MACF1: variants seen among roughly 807,000 people sequenced by gnomAD.
MACF1 encodes microtubule actin crosslinking factor 1, also known as microtubule-actin cross-linking factor 1.
In MACF1, 193 loss-of-function variants were observed where a neutral mutation model predicts 854.8. That is an observed-to-expected ratio of 0.23 (90% CI 0.20 to 0.25). The LOEUF (loss-of-function observed/expected upper bound fraction) is 0.25, where lower values mean the gene tolerates loss of function less well. Among genes scored for constraint, MACF1 ranks in the 10% least tolerant of loss-of-function variants. The probability of loss-of-function intolerance (pLI) is 1.00; values close to 1 mark genes in which losing one functional copy is unlikely to be tolerated. For missense variants in MACF1, 7,722 were observed against 8,929.1 expected, an observed-to-expected ratio of 0.86 and a Z score of 5.45; for synonymous variants, 3,185 against 3,226.7, an observed-to-expected ratio of 0.99 and a Z score of 0.44.
chr1:39,477,075 A>ATATACACACACATATATACACTTAGTG lies in MACF1; in HGVS notation c.21959-2719_21959-2718insCACACACATATATACACTTAGTGTATA, dbSNP rs1557675014. ...TATATATATATATATATATATATAT[A>ATATACACACACATATATACACTTAGTG]TATATATATATATATACACACACAC... On this transcript the variant is annotated intron_variant, in intron 97 of 100. Coordinates refer to ENST00000564288, the MANE Select transcript of MACF1 (RefSeq NM_001394062.1). Among the ~76,000 whole-genome samples the ATATACACACACATATATACACTTAGTG allele has an allele frequency of 9.7e-4, 50 of 51,304 alleles. 1 individual carries two copies. The highest frequency in any genetic ancestry group is 5.8e-3 in the South Asian group (10 of 1,720). 33.7% of individuals were successfully genotyped at this position (51,304 alleles called of 152,430 possible).
In MACF1 at chr1:39,105,763, G is replaced by A; in HGVS notation, c.220+21325G>A. ...GCGCTGAGGCCCGCGGGCCGGCGCAGCGTGGCCTTCGGAGCCGGTCGGCTC... is the reference window on the plus strand; with the variant it reads ...GCGCTGAGGCCCGCGGGCCGGCGCAACGTGGCCTTCGGAGCCGGTCGGCTC... On this transcript the variant is annotated intron_variant, in intron 2 of 93. Coordinates refer to the MACF1 transcript ENST00000361689. This position sits in a 1 kb window ranked among gnomAD's most constrained non-coding sequence, Gnocchi z 5.9. The A allele has an allele frequency of 9.2e-6, 10 of 1,086,466 alleles. No individual in the cohort carries two copies. The highest frequency in any genetic ancestry group is 1.1e-5 in the Non-Finnish European group (10 of 881,954). The allele number at this position is 1,086,466 out of a possible 1,614,324, so 67.3% of individuals were successfully genotyped here. A position where few individuals can be genotyped will look rare whatever the true frequency, so the allele number is the denominator to read the frequency against.
At chr1:39,294,829 C>T (rs774890061) in intron 18 of MACF1, among the ~76,000 whole-genome samples, 30 of 152,204 alleles carry the variant, frequency 2.0e-4, no homozygotes, top group Non-Finnish European at 3.2e-4. Flanking sequence ...TTACTCACAT[C>T]TGGGTCAGGT....
At chr1:39,180,097 C>G (rs1372011262) in intron 2 of MACF1, among the ~76,000 whole-genome samples, 1 of 151,976 alleles carries the variant, frequency 6.6e-6, no homozygotes, top group Non-Finnish European at 1.5e-5. Flanking sequence ...GGCTTTTAGA[C>G]CCCCATAATC....
intron 58 of MACF1, among the ~76,000 whole-genome samples, chr1:39,407,384 T>G (rs1345038863): frequency 6.6e-6 from 1 of 152,222 alleles, no homozygotes; most frequent in Non-Finnish European, 1.5e-5. Context: ...AGGACAGGGT[T>G]TCTAGTGTCT....
chr1:39,385,696 A>C lies in MACF1; in HGVS notation c.14111A>C (p.Gln4704Pro). 1 of 1,614,190 alleles carries C rather than the reference A, an allele frequency of 6.2e-7. No individual in the cohort carries two copies. The highest frequency in any genetic ancestry group is 1.7e-5 in the Admixed American group (1 of 60,016). Residue 4704 changes from glutamine (Q) to proline (P), a missense_variant, in exon 57 of 101, where the codon CAA (glutamine) becomes CCA (proline). By Grantham distance (76) the Gln-to-Pro change is moderately conservative (BLOSUM62 -1). Transcript: ENST00000564288. ...DLSEKVRAVG[Q>P]RLSVQSAIST... Reference sequence around the variant, plus strand: ...TCAGAGAAGGTGAGGGCAGTTGGACAACGGCTGAGTGTCCAGTCAGCTATC... The same window carrying C: ...TCAGAGAAGGTGAGGGCAGTTGGACCACGGCTGAGTGTCCAGTCAGCTATC...
intron 47 of MACF1, among the ~76,000 whole-genome samples, chr1:39,359,633 G>A (rs1430689355): frequency 6.6e-6 from 1 of 151,954 alleles, no homozygotes; most frequent in East Asian, 1.9e-4. Flanking sequence ...CATGCTTCAA[G>A]ATGTAGCCAA....
intron 18 of MACF1, among the ~76,000 whole-genome samples, chr1:39,293,890 C>T (rs1645845730): frequency 6.6e-6 from 1 of 152,054 alleles, no homozygotes; most frequent in African/African-American, 2.4e-5. Context: ...AGAAGCAATA[C>T]AGCATTGTGG....
At chr1:39,160,550 A>G (rs75014260) in intron 2 of MACF1, among the ~76,000 whole-genome samples, 1,913 of 152,356 alleles carry the variant, frequency 0.013, 20 homozygotes, top group African/African-American at 0.02. Flanking sequence ...TTTATAGCAT[A>G]AAACATACAA....
At chr1:39,125,469 G>A (rs1021829) in intron 2 of MACF1, among the ~76,000 whole-genome samples, 137,402 of 152,252 alleles carry the variant, frequency 0.9, 62,775 homozygotes, top group East Asian at 0.99. Context: ...TGTGAAACAT[G>A]CAGTGGATAC....
chr1:39,395,073 G>A (rs2148583194), intron 58 of MACF1, among the ~76,000 whole-genome samples: 1 of 152,256 alleles, frequency 6.6e-6, no homozygotes, highest in South Asian at 2.1e-4. Flanking sequence ...TTTTGGGGGT[G>A]GGTGGGGAGG....
intron 21 of MACF1, chr1:39,299,122 G>A (rs1487734165): frequency 2.7e-5 from 11 of 412,970 alleles, no homozygotes; most frequent in East Asian, 7.3e-5. Context: ...ACATCTTATT[G>A]CAAGGAAACT....
At chr1:39,318,410 T>G in intron 29 of MACF1, 43 bp from the exon 30 acceptor site, 1 of 1,568,956 alleles carries the variant, frequency 6.4e-7, no homozygotes, top group South Asian at 1.1e-5. Flanking sequence ...TTTATTGTAT[T>G]TGTACCAAGG....
upstream of MACF1, among the ~76,000 whole-genome samples, chr1:39,200,335 T>A (rs1163681356): frequency 5.3e-5 from 8 of 152,326 alleles, no homozygotes; most frequent in East Asian, 1.5e-3. Context: ...CTTCCAGGAC[T>A]TAGTCCTTGA....
At chr1:39,341,873 C>T (rs760925612) in intron 40 of MACF1, among the ~76,000 whole-genome samples, 4 of 151,366 alleles carry the variant, frequency 2.6e-5, no homozygotes, top group Admixed American at 2.0e-4. Context: ...TCCAATCCTA[C>T]GTGCACACAC....
chr1:39,117,014 C>T (rs1642564622), intron 2 of MACF1, among the ~76,000 whole-genome samples: 1 of 152,178 alleles, frequency 6.6e-6, no homozygotes, highest in Non-Finnish European at 1.5e-5. Context: ...CAAGACTGGA[C>T]AGAGAGGCTG....
chr1:39,264,500 A>G (rs1889830), intron 6 of MACF1, among the ~76,000 whole-genome samples: 108,470 of 151,988 alleles, frequency 0.71, 38,956 homozygotes, highest in South Asian at 0.84. Context: ...TATTTATTAA[A>G]TGAATGGATT....
At chr1:39,363,779 G>T (rs1277440406) in intron 49 of MACF1, among the ~76,000 whole-genome samples, 19 of 151,634 alleles carry the variant, frequency 1.3e-4, no homozygotes. Context: ...TGCCTGGGTA[G>T]TTTTTTTGTA....
Position 39,113,981 on chromosome 1 carries a change from A to T in MACF1, c.220+29543A>T, listed in dbSNP as rs191616404. Among the ~76,000 whole-genome samples the T allele has an allele frequency of 1.5e-3, 229 of 151,924 alleles. 1 individual carries two copies. Among genetic ancestry groups the T allele is most frequent in the Non-Finnish European group, 2.5e-3 (167 of 67,930 alleles). Reference sequence around the variant, plus strand: ...AACCCAGGAGGTGGAGGTTGTAGAGAGCCCAGATTGTGCCACTGTACTCCA... The same window carrying T: ...AACCCAGGAGGTGGAGGTTGTAGAGTGCCCAGATTGTGCCACTGTACTCCA... On this transcript the variant is annotated intron_variant, in intron 2 of 93. Coordinates refer to the MACF1 transcript ENST00000361689.
At chr1:39,348,174 T>C (rs1329402520) in intron 41 of MACF1, among the ~76,000 whole-genome samples, 1 of 152,178 alleles carries the variant, frequency 6.6e-6, no homozygotes, top group Non-Finnish European at 1.5e-5. Context: ...TTCAACTATA[T>C]TGAAATTGAG....
Sources: gnomAD v4.1 joint callset for allele counts (sites outside exome capture counted in the v4.1 genomes callset) on GRCh38, gnomAD v4.1.1 for gene constraint, Gnocchi (gnomAD v3.1) non-coding constraint, MANE v1.5 for transcripts, NCBI Gene and HGNC (gene_info 2026-07-23, HGNC 2026-07-21) for gene names.